The following RYR2 variants were observed in gnomAD, a reference collection of about 807,000 sequenced individuals.
RYR2 encodes ryanodine receptor 2, also known as cardiac muscle ryanodine receptor-calcium release channel.
Under a neutral mutation model 601.1 loss-of-function variants are expected in RYR2, and 227 were observed. That is an observed-to-expected ratio of 0.38 (90% CI 0.34 to 0.42). The LOEUF (loss-of-function observed/expected upper bound fraction) is 0.42, where lower values mean the gene tolerates loss of function less well. Among genes scored for constraint, RYR2 ranks in the 10% least tolerant of loss-of-function variants. The probability of loss-of-function intolerance (pLI) is 1.00; values close to 1 mark genes in which losing one functional copy is unlikely to be tolerated. For synonymous variants in RYR2, 2,223 were observed against 2,175.1 expected (o/e 1.02, Z -0.61); for missense variants, 4,646 against 6,156.5 (o/e 0.75, Z 8.21).
intron 1 of RYR2, among the ~76,000 whole-genome samples, chr1:237,095,721 GA>G (rs1667441682): frequency 6.6e-6 from 1 of 152,208 alleles, no homozygotes. Context: ...CAGCTGGGGA[GA>G]TTATATGCAA....
intron 1 of RYR2, among the ~76,000 whole-genome samples, chr1:237,242,705 A>C (rs1686335245): frequency 1.3e-5 from 2 of 152,290 alleles, no homozygotes; most frequent in South Asian, 4.1e-4. Context: ...GGTCCCTCTG[A>C]AATTTCCTAC....
At chr1:237,448,487 G>A (rs575829128) in intron 14 of RYR2, among the ~76,000 whole-genome samples, 6 of 152,188 alleles carry the variant, frequency 3.9e-5, no homozygotes, top group South Asian at 2.1e-4. Context: ...TTGTTGGGTC[G>A]TGTTCAAAAG....
At chr1:237,697,012 C>T (rs1313165327) in intron 63 of RYR2, among the ~76,000 whole-genome samples, 4 of 151,932 alleles carry the variant, frequency 2.6e-5, no homozygotes, top group Admixed American at 6.6e-5. Context: ...GTCTTCCTAC[C>T]GCACTGAAAA....
intron 17 of RYR2, among the ~76,000 whole-genome samples, chr1:237,475,991 T>A (rs191854473): frequency 6.6e-6 from 1 of 152,360 alleles, no homozygotes; most frequent in Admixed American, 6.5e-5. Context: ...CATTTTCTTC[T>A]GGATGTTCTC....
At chr1:237,109,556 T>G (rs75693181) in intron 1 of RYR2, among the ~76,000 whole-genome samples, 4,458 of 152,292 alleles carry the variant, frequency 0.029, 198 homozygotes, top group African/African-American at 0.096. Context: ...GCCTCGGTGA[T>G]GGGCCTGGGC....
intron 48 of RYR2, among the ~76,000 whole-genome samples, chr1:237,645,521 T>C (rs1682032107): frequency 6.6e-6 from 1 of 152,182 alleles, no homozygotes; most frequent in South Asian, 2.1e-4. Context: ...ACATACAGAT[T>C]AGGAAATAGG....
chr1:237,686,980 A>G (rs1394261674), intron 62 of RYR2, among the ~76,000 whole-genome samples: 1 of 152,224 alleles, frequency 6.6e-6, no homozygotes, highest in Non-Finnish European at 1.5e-5. Context: ...AAAACATATT[A>G]AAACTTAAAG....
chr1:237,331,043 A>T, intron 3 of RYR2, 61 bp downstream of exon 3: 1 of 1,350,316 alleles, frequency 7.4e-7, no homozygotes, highest in African/African-American at 1.4e-5. Flanking sequence ...TATAGGAACA[A>T]TTTCTTTCAC....
intron 1 of RYR2, among the ~76,000 whole-genome samples, chr1:237,229,298 G>C (rs1684721518): frequency 6.6e-6 from 1 of 152,192 alleles, no homozygotes; most frequent in South Asian, 2.1e-4. Context: ...TGCATGGTGG[G>C]GATGGGTGGT....
chr1:237,655,616 CT>C (rs1361612301), intron 52 of RYR2, among the ~76,000 whole-genome samples: 21 of 152,260 alleles, frequency 1.4e-4, no homozygotes, highest in Admixed American at 6.5e-4. Context: ...TAAGCTGAAA[CT>C]TCAGTAAATC....
At chr1:237,282,975 G>T (rs1691048692) in intron 2 of RYR2, among the ~76,000 whole-genome samples, 1 of 152,108 alleles carries the variant, frequency 6.6e-6, no homozygotes, top group Non-Finnish European at 1.5e-5. Flanking sequence ...ACAGTGGATT[G>T]CATTATTTCA....
intron 23 of RYR2, among the ~76,000 whole-genome samples, chr1:237,511,296 CAAAAAAA>C (rs764004466): frequency 1.1e-5 from 1 of 88,234 alleles, no homozygotes; most frequent in Non-Finnish European, 2.4e-5. Context: ...GTGTATGGAC[CAAAAAAA>C]AAAAAAAAAA....
chr1:237,381,989 A>C (rs1413889593), intron 8 of RYR2, among the ~76,000 whole-genome samples: 1 of 152,236 alleles, frequency 6.6e-6, no homozygotes, highest in Non-Finnish European at 1.5e-5. Context: ...TATACAATTT[A>C]AAATAGAAAA....
At chr1:237,506,903 CATCA>C in intron 23 of RYR2, 89 bp downstream of exon 23, 1 of 1,052,624 alleles carries the variant, frequency 9.5e-7, no homozygotes, top group Admixed American at 2.0e-5. Flanking sequence ...TATGGGGTGA[CATCA>C]ATCAGTTAGT....
intron 25 of RYR2, among the ~76,000 whole-genome samples, chr1:237,537,515 A>G (rs879915913): frequency 6.6e-6 from 1 of 152,070 alleles, no homozygotes; most frequent in African/African-American, 2.4e-5. Context: ...GGATTTCACC[A>G]TGTTGGTCAG....
intron 83 of RYR2, 23 bp downstream of exon 83, chr1:237,759,875 G>C (rs1219252061): frequency 1.3e-6 from 2 of 1,506,050 alleles, no homozygotes; most frequent in African/African-American, 2.8e-5. Flanking sequence ...TTCCTTCTTG[G>C]GGGTTCTACT....
rs571296120 is a variant in RYR2 at position 237,190,060 on chromosome 1, A to T, written c.49-80437A>T. On this transcript the variant is annotated intron_variant, in intron 1 of 104. Coordinates refer to ENST00000366574, the MANE Select transcript of RYR2 (RefSeq NM_001035.3). ...GCTAATTTATTTATTTTTTATTTTT[A>T]TTTTTTTTAGTATAGACAGGGTTTC... 4.0e-4 allele frequency among the ~76,000 whole-genome samples: 60 copies of T among 151,062 alleles called. No individual in the cohort carries two copies. In the South Asian group the frequency reaches 0.011, roughly 27 times the overall value.
At chr1:237,818,438 A>G (rs1247855093) in intron 100 of RYR2, among the ~76,000 whole-genome samples, 1 of 152,150 alleles carries the variant, frequency 6.6e-6, no homozygotes, top group Admixed American at 6.5e-5. Flanking sequence ...CAGTAGGCAC[A>G]GGCAGCTGTA....
chr1:237,641,463 G>GTCTTTCTT (rs1459578599), intron 47 of RYR2, among the ~76,000 whole-genome samples: 185 of 55,214 alleles, frequency 3.4e-3, no homozygotes, highest in East Asian at 0.014. Context: ...ATAAATTAGT[G>GTCTTTCTT]TCTGTCTGTC....
Sources: allele counts gnomAD v4.1 joint callset (sites outside exome capture counted in the v4.1 genomes callset), GRCh38; gene constraint gnomAD v4.1.1; transcripts MANE v1.5; gene names NCBI Gene and HGNC (gene_info 2026-07-23, HGNC 2026-07-21).